The following UNC13D variants were observed in gnomAD, a reference collection of about 807,000 sequenced individuals.
UNC13D encodes the protein protein unc-13 homolog D.
UNC13D carries 115 observed loss-of-function variants against 151.7 expected under a neutral mutation model. The ratio of observed to expected loss-of-function variants is 0.76; its 90% CI spans 0.65 to 0.88. The LOEUF (loss-of-function observed/expected upper bound fraction) is 0.88, where lower values mean the gene tolerates loss of function less well. Among genes scored for constraint, UNC13D ranks in the 40% least tolerant of loss-of-function variants. The probability of loss-of-function intolerance (pLI) is 0.00; values close to 1 mark genes in which losing one functional copy is unlikely to be tolerated. For synonymous variants in UNC13D, 588 were observed against 612.2 expected (o/e 0.96, Z 0.58); for missense variants, 1,369 against 1,438.7 (o/e 0.95, Z 0.78).
At position 75,840,069 on chromosome 17, in the gene UNC13D, C is replaced by T; in HGVS notation, c.900G>A (p.Val300=). The change falls in exon 11 of 32, where the codon GTG becomes GTA. Residue 300 remains valine (V), a synonymous_variant. Transcript: ENST00000207549. The surrounding 1 kb of genome is among the most constrained non-coding windows in gnomAD (Gnocchi z 4.6). ...SASRSQPSYT[V]HLHLLQQLVS... is the part of the protein sequence containing the mutation. ...CAAGCTGCTGCAGGAGGTGGAGGTG[C>T]ACGGTGTAGCTCGGCTGCGAGCGGC... The T allele has an allele frequency of 6.2e-7, 1 of 1,613,518 alleles. No individual in the cohort carries two copies. The highest frequency in any genetic ancestry group is 2.2e-5 in the East Asian group (1 of 44,874).
intron 6 of UNC13D, among the ~76,000 whole-genome samples, chr17:75,841,351 G>T (rs1288954164): frequency 6.6e-6 from 1 of 151,232 alleles, no homozygotes; most frequent in African/African-American, 2.4e-5. Flanking sequence ...CACTGTGTTG[G>T]CCACACTGGT....
Position 75,842,935 on chromosome 17 carries a change from G to A in UNC13D, c.322-12C>T. ...CAAAATATTGGCTTCTGGAGGGACA[G>A]GAGGGATGGCCTGAGTCCCTGAGGG... On this transcript the variant is annotated splice_polypyrimidine_tract_variant and intron_variant, in intron 4 of 31. Coordinates refer to ENST00000207549, the MANE Select transcript of UNC13D (RefSeq NM_199242.3). 2 of 1,613,354 alleles carry A rather than the reference G, an allele frequency of 1.2e-6. No homozygotes were observed. Among genetic ancestry groups the A allele is most frequent in the Non-Finnish European group, 1.7e-6 (2 of 1,180,016 alleles).
In UNC13D at chr17:75,840,312, C is replaced by T. The variant is rs1169071810; in HGVS notation, c.771G>A (p.Glu257=). 3 of 1,613,658 alleles carry T rather than the reference C, an allele frequency of 1.9e-6. No individual in the cohort carries two copies. Among genetic ancestry groups the T allele is most frequent in the Admixed American group, 1.7e-5 (1 of 59,998 alleles). ...GGGGTTCCAGGGGGTACCACTGGTC[C>T]TCTCGGCAGCGCAGGTCCTGACAGG... The part of the protein sequence containing the change: ...VLRLQDLRCR[E]DQWYPLEPRT... The change falls in exon 10 of 32, where the codon GAG becomes GAA. Residue 257 remains glutamate, a synonymous_variant. Coordinates refer to ENST00000207549, the MANE Select transcript of UNC13D (RefSeq NM_199242.3). This position sits in a 1 kb window ranked among gnomAD's most constrained non-coding sequence, Gnocchi z 4.6.
chr17:75,836,765 C>G (rs748807204), intron 13 of UNC13D, 36 bp downstream of exon 13: 2 of 1,613,620 alleles, frequency 1.2e-6, no homozygotes. Flanking sequence ...TCCCTGAGCC[C>G]TGCCTGCTCA....
Position 75,827,768 on chromosome 17 carries a change from G to C in UNC13D, c.*197C>G, listed in dbSNP as rs554364221. 64 of 1,482,566 alleles carry C rather than the reference G, an allele frequency of 4.3e-5. 1 individual carries two copies. The South Asian group carries it at 7.8e-4, about 18-fold the overall frequency. 91.8% of individuals were successfully genotyped at this position (1,482,566 alleles called of 1,614,324 possible). On this transcript the variant is annotated 3_prime_UTR_variant, in exon 32 of 32. Transcript: ENST00000207549. ...GCCAGGGCTGGAGGCAGGGAGGCGGGAGTAGAGATGTCGCTGCTGAGCCCC... is the reference window on the plus strand; with the variant it reads ...GCCAGGGCTGGAGGCAGGGAGGCGGCAGTAGAGATGTCGCTGCTGAGCCCC...
At chr17:75,838,162 C>T (rs1230809886) in intron 12 of UNC13D, among the ~76,000 whole-genome samples, 1 of 152,140 alleles carries the variant, frequency 6.6e-6, no homozygotes, top group Non-Finnish European at 1.5e-5. Context: ...ACAGCCCAGG[C>T]CTGAGTCGGC....
chr17:75,834,803 TG>T (rs1424136557), intron 21 of UNC13D, 87 bp from the exon 22 acceptor site: 5 of 1,606,866 alleles, frequency 3.1e-6, no homozygotes, highest in Non-Finnish European at 4.3e-6. Context: ...TTCAGCGACT[TG>T]GGGGATTTAG....
intron 6 of UNC13D, 111 bp from the exon 7 acceptor site, chr17:75,841,112 C>T: frequency 1.0e-6 from 1 of 955,548 alleles, no homozygotes; most frequent in Non-Finnish European, 1.7e-6. Flanking sequence ...CCCTGCCAAA[C>T]TTCCCTCCTC....
At position 75,834,362 on chromosome 17, in the gene UNC13D, T is replaced by A. The variant is rs1446115570; in HGVS notation, c.2261A>T (p.His754Leu). The A allele has an allele frequency of 3.3e-5, 52 of 1,594,700 alleles. No individual in the cohort carries two copies. The highest frequency in any genetic ancestry group is 4.3e-5 in the Non-Finnish European group (51 of 1,178,834). Residue 754 changes from histidine to leucine, a missense_variant, in exon 23 of 32, where the codon CAT becomes CTT. Coordinates refer to ENST00000207549, the MANE Select transcript of UNC13D (RefSeq NM_199242.3). The part of the protein sequence containing the change: ...QLQSALAGLG[H>L]EIRTGVRTLA... ...GGTGCGGACGCCAGTGCGGATCTCA[T>A]GGCCCAGCCCGGCCAGCGCGCTCTG...
At chr17:75,829,053 C>A in intron 30 of UNC13D, 70 bp from the exon 31 acceptor site, 1 of 1,551,238 alleles carries the variant, frequency 6.4e-7, no homozygotes, top group East Asian at 2.3e-5. Flanking sequence ...ATGGGTTCAC[C>A]CACTTGGTGT....
At position 75,832,592 on chromosome 17, in the gene UNC13D, A is replaced by G; in HGVS notation, c.2447+374T>C. The G allele has an allele frequency of 5.2e-6, 1 of 192,270 alleles. No homozygotes were observed. Among genetic ancestry groups the G allele is most frequent in the Non-Finnish European group, 1.1e-5 (1 of 88,586 alleles). 11.9% of individuals were successfully genotyped at this position (192,270 alleles called of 1,614,324 possible). ...CAGAGGAGCAGGCAGGGAGGCCCTG[A>G]AGACAGGCCTGGGACTAAAGGAGAA... On this transcript the variant is annotated intron_variant, in intron 25 of 31. Coordinates refer to ENST00000207549, the MANE Select transcript of UNC13D (RefSeq NM_199242.3). This position sits in a 1 kb window ranked among gnomAD's most constrained non-coding sequence, Gnocchi z 4.3.
Position 75,840,051 on chromosome 17 carries a change from C to T in UNC13D, c.918G>A (p.Gln306=), listed in dbSNP as rs768944993. 6 of 1,613,474 alleles carry T rather than the reference C, an allele frequency of 3.7e-6. No individual in the cohort carries two copies. Among genetic ancestry groups the T allele is most frequent in the African/African-American group, 1.3e-5 (1 of 74,944 alleles). Residue 306 remains glutamine (Q), a synonymous_variant, in exon 11 of 32, where the codon CAG becomes CAA. Transcript: ENST00000207549. This position sits in a 1 kb window ranked among gnomAD's most constrained non-coding sequence, Gnocchi z 4.6. The part of the protein sequence containing the change: ...PSYTVHLHLL[Q]QLVSHEVTQH... ...GGGTGACCTCGTGGGACACAAGCTG[C>T]TGCAGGAGGTGGAGGTGCACGGTGT...
rs2062133936 is a variant in UNC13D at position 75,827,787 on chromosome 17, G to A, written c.*178C>T. On this transcript the variant is annotated 3_prime_UTR_variant, in exon 32 of 32. Transcript: ENST00000207549. ...AGGCGGGAGTAGAGATGTCGCTGCTGAGCCCCCATCACCATGGGAGGCAGG... is the reference window on the plus strand; with the variant it reads ...AGGCGGGAGTAGAGATGTCGCTGCTAAGCCCCCATCACCATGGGAGGCAGG... 1.4e-6 allele frequency: 2 copies of A among 1,480,636 alleles called. No individual in the cohort carries two copies. The highest frequency in any genetic ancestry group is 2.1e-5 in the Admixed American group (1 of 47,034). The allele number at this position is 1,480,636 out of a possible 1,614,324, so 91.7% of individuals were successfully genotyped here.
At position 75,832,864 on chromosome 17, in the gene UNC13D, G is replaced by T. The variant is rs1019419964; in HGVS notation, c.2447+102C>A. 8.3e-7 allele frequency: 1 copy of T among 1,204,600 alleles called. No individual in the cohort carries two copies. Among genetic ancestry groups the T allele is most frequent in the South Asian group, 1.3e-5 (1 of 75,382 alleles). The allele number at this position is 1,204,600 out of a possible 1,614,324, so 74.6% of individuals were successfully genotyped here. ...GGTGGCGAGCGCGCCCAGGGCAGGGGCTGCTACACCCCTCAGAACGGATGC... is the reference window on the plus strand; with the variant it reads ...GGTGGCGAGCGCGCCCAGGGCAGGGTCTGCTACACCCCTCAGAACGGATGC... On this transcript the variant is annotated intron_variant, in intron 25 of 31. Transcript: ENST00000207549. The surrounding 1 kb of genome is among the most constrained non-coding windows in gnomAD (Gnocchi z 4.3).
rs145366134 is a variant in UNC13D at position 75,834,664 on chromosome 17, C to T, written c.2045G>A (p.Arg682His). Residue 682 changes from arginine (R) to histidine (H), a missense_variant, in exon 22 of 32, where the codon CGC becomes CAC. This residue lies in a region of UNC13D where 807 missense variants were observed against 795.5 expected (regional missense o/e 1.01). Coordinates refer to ENST00000207549, the MANE Select transcript of UNC13D (RefSeq NM_199242.3). ...GTCCTTCTGGCCTGAAGAGAGCTCG[C>T]GGGCCCGGGCCTTTATAAGGCTGCA... ...VYCSLIKARARELSSGQKDQG... is the reference protein window; with the variant it reads ...VYCSLIKARAHELSSGQKDQG... The T allele has an allele frequency of 9.2e-5, 148 of 1,613,756 alleles. No homozygotes were observed. In the African/African-American group the frequency reaches 1.4e-3, roughly 16 times the overall value.
chr17:75,831,162 T>A lies in UNC13D; in HGVS notation c.2561A>T (p.Glu854Val). The A allele has an allele frequency of 6.2e-7, 1 of 1,614,044 alleles. No individual in the cohort carries two copies. Among genetic ancestry groups the A allele is most frequent in the Non-Finnish European group, 8.5e-7 (1 of 1,180,026 alleles). The change falls in exon 27 of 32, where the codon GAG becomes GTG. Residue 854 changes from glutamate (E) to valine (V), a missense_variant. Coordinates refer to ENST00000207549, the MANE Select transcript of UNC13D (RefSeq NM_199242.3). The stretch of plus-strand genomic sequence containing the variant: ...ACAGCCCTCAGCGTGGAAGCAGATC[T>A]CCAGGTTCTGGGGGAGATATCAGAG... Reference protein sequence around the residue: ...NRLKIALQNLEICFHAEGCGL... With the variant: ...NRLKIALQNLVICFHAEGCGL...
chr17:75,844,171 A>T, intron 1 of UNC13D, 50 bp downstream of exon 1: 1 of 1,599,466 alleles, frequency 6.3e-7, no homozygotes, highest in South Asian at 1.1e-5. Flanking sequence ...CGTACCCGAG[A>T]CCACAGTGCT....
At chr17:75,837,921 AGG>A (rs1255758518) in intron 12 of UNC13D, among the ~76,000 whole-genome samples, 8 of 152,132 alleles carry the variant, frequency 5.3e-5, no homozygotes, top group African/African-American at 9.7e-5. Context: ...GCCTGGGGAC[AGG>A]CCGAAGTCCC....
chr17:75,836,017 G>A lies in UNC13D; in HGVS notation c.1539C>T (p.Phe513=), dbSNP rs2064906201. ...CGACCTGGCTATCTGCTCACTTGTG[G>A]AAGATCTTGTCCCATGTGCGCTGGC... ...HQCQRTWDKI[F]HNTLKIHLFS... Residue 513 remains phenylalanine (F), a synonymous_variant, in exon 17 of 32, where the codon TTC becomes TTT. Coordinates refer to ENST00000207549, the MANE Select transcript of UNC13D (RefSeq NM_199242.3). 2 of 1,614,104 alleles carry A rather than the reference G, an allele frequency of 1.2e-6. No individual in the cohort carries two copies.
Sources: allele counts gnomAD v4.1 joint callset (sites outside exome capture counted in the v4.1 genomes callset), GRCh38; gene constraint gnomAD v4.1.1; regional missense constraint gnomAD v4.1.1; non-coding constraint Gnocchi (gnomAD v3.1); transcripts MANE v1.5; gene names NCBI Gene and HGNC (gene_info 2026-07-23, HGNC 2026-07-21).